PIK3C2G: variants seen among roughly 807,000 people sequenced by gnomAD.
PIK3C2G encodes phosphatidylinositol 3-kinase C2 domain-containing subunit gamma.
Under a neutral mutation model 181.1 loss-of-function variants are expected in PIK3C2G, and 168 were observed. The observed-to-expected ratio is 0.93, with a 90% confidence interval of 0.82 to 1.05. PIK3C2G has a LOEUF of 1.05. PIK3C2G is among the 50% of genes least tolerant of loss of function. PIK3C2G has a pLI of 0.00. For synonymous variants in PIK3C2G, 573 were observed against 592.2 expected (o/e 0.97, Z 0.47); for missense variants, 1,869 against 1,732.8 (o/e 1.08, Z -1.40).
chr12:18,325,201 A>ACGACC, intron 8 of PIK3C2G, 103 bp downstream of exon 8: 1 of 638,234 alleles, frequency 1.6e-6, no homozygotes, highest in Non-Finnish European at 2.8e-6. Context: ...AAAATGAATA[A>ACGACC]AACAGAGGAT....
chr12:18,325,885 T>C (rs1005452763), intron 8 of PIK3C2G, among the ~76,000 whole-genome samples: 1 of 152,056 alleles, frequency 6.6e-6, no homozygotes, highest in African/African-American at 2.4e-5. Context: ...GGACCTTTTA[T>C]GGCCAGTTTT....
At chr12:18,538,096 A>T in intron 24 of PIK3C2G, 60 bp from the exon 25 acceptor site, 1 of 1,490,508 alleles carries the variant, frequency 6.7e-7, no homozygotes, top group East Asian at 2.3e-5. Flanking sequence ...ATAACTGCTG[A>T]TTTAACCTGA....
chr12:18,328,605 A>G (rs999144527), intron 8 of PIK3C2G, among the ~76,000 whole-genome samples: 2 of 151,964 alleles, frequency 1.3e-5, no homozygotes, highest in African/African-American at 2.4e-5. Context: ...CTCCACCACT[A>G]TGGAAGTTTT....
intron 18 of PIK3C2G, among the ~76,000 whole-genome samples, chr12:18,427,992 C>G (rs1945934661): frequency 1.3e-5 from 2 of 152,030 alleles, no homozygotes; most frequent in Non-Finnish European, 2.9e-5. Context: ...AAACATGTGT[C>G]ATGGGGATTT....
intron 29 of PIK3C2G, among the ~76,000 whole-genome samples, chr12:18,584,321 A>G (rs1946664744): frequency 6.6e-6 from 1 of 152,050 alleles, no homozygotes; most frequent in Non-Finnish European, 1.5e-5. Context: ...ATGCCTGGCT[A>G]AATAGACAGT....
At chr12:18,380,182 C>G (rs1014782576) in intron 13 of PIK3C2G, among the ~76,000 whole-genome samples, 2 of 152,160 alleles carry the variant, frequency 1.3e-5, no homozygotes, top group South Asian at 4.1e-4. Context: ...AACTGGGACG[C>G]CTATGTCCGC....
At chr12:18,421,643 C>T (rs947237117) in intron 17 of PIK3C2G, among the ~76,000 whole-genome samples, 1 of 151,958 alleles carries the variant, frequency 6.6e-6, no homozygotes, top group Non-Finnish European at 1.5e-5. Flanking sequence ...AACAGAGTAT[C>T]TAATAGATAT....
chr12:18,351,510 G>C (rs1164553674), intron 11 of PIK3C2G, among the ~76,000 whole-genome samples: 1 of 152,120 alleles, frequency 6.6e-6, no homozygotes, highest in Non-Finnish European at 1.5e-5. Flanking sequence ...CACATTCTAA[G>C]AGTTTTGCTG....
At chr12:18,378,493 C>T (rs1942610335) in intron 13 of PIK3C2G, among the ~76,000 whole-genome samples, 1 of 152,066 alleles carries the variant, frequency 6.6e-6, no homozygotes, top group African/African-American at 2.4e-5. Context: ...AAAGCAATGG[C>T]AACAAAAGCC....
intron 1 of PIK3C2G, among the ~76,000 whole-genome samples, chr12:18,266,477 G>T (rs1238062519): frequency 6.6e-6 from 1 of 151,914 alleles, no homozygotes; most frequent in African/African-American, 2.4e-5. Flanking sequence ...AAATATATTT[G>T]CAATCATTAT....
intron 18 of PIK3C2G, among the ~76,000 whole-genome samples, chr12:18,451,957 G>A (rs1337291818): frequency 2.0e-5 from 3 of 152,202 alleles, no homozygotes; most frequent in Non-Finnish European, 2.9e-5. Flanking sequence ...TTGATGTGCT[G>A]CTGGATTTGG....
chr12:18,647,792 T>C (rs766362406), intron 32 of PIK3C2G, 84 bp from the exon 33 acceptor site: 1 of 700,364 alleles, frequency 1.4e-6, no homozygotes, highest in Non-Finnish European at 2.1e-6. Flanking sequence ...TAGCAGCTAA[T>C]TTTTTTTATT....
intron 9 of PIK3C2G, among the ~76,000 whole-genome samples, chr12:18,341,167 A>G (rs763514776): frequency 1.3e-5 from 2 of 152,198 alleles, no homozygotes; most frequent in Non-Finnish European, 2.9e-5. Flanking sequence ...GCTGGTTATA[A>G]AAAGTTTTAT....
chr12:18,655,980 A>C, the PIK3C2G span, among the ~76,000 whole-genome samples: 1 of 152,162 alleles, frequency 6.6e-6, no homozygotes, highest in African/African-American at 2.4e-5. Context: ...AAAGTAAGTA[A>C]ATTTTAATTA....
At chr12:18,666,645 A>T in the PIK3C2G span, among the ~76,000 whole-genome samples, 1 of 152,218 alleles carries the variant, frequency 6.6e-6, no homozygotes, top group South Asian at 2.1e-4. Flanking sequence ...AACTTTCAAT[A>T]GGAAAAAGTA....
At chr12:18,378,683 C>A (rs1334584648) in intron 13 of PIK3C2G, among the ~76,000 whole-genome samples, 1 of 152,072 alleles carries the variant, frequency 6.6e-6, no homozygotes, top group African/African-American at 2.4e-5. Flanking sequence ...AACAAACAAC[C>A]CCATCAAAAA....
At chr12:18,695,297 T>C in the PIK3C2G span, among the ~76,000 whole-genome samples, 1 of 152,168 alleles carries the variant, frequency 6.6e-6, no homozygotes, top group Non-Finnish European at 1.5e-5. Context: ...GTAAGTAAAT[T>C]ACTACACAGC....
the PIK3C2G span, among the ~76,000 whole-genome samples, chr12:18,663,769 A>G: frequency 1.3e-4 from 20 of 152,276 alleles, no homozygotes; most frequent in Admixed American, 2.0e-4. Flanking sequence ...AAATTGAAAA[A>G]TGTTGTGCAT....
the PIK3C2G span, chr12:18,701,616 TCCTCCTCCTC>T: frequency 4.2e-6 from 1 of 238,316 alleles, no homozygotes; most frequent in South Asian, 9.3e-5. Flanking sequence ...ATCCTCCTCC[TCCTCCTCCTC>T]CTCCTCCTCC....
Sources: gnomAD v4.1 joint callset for allele counts (sites outside exome capture counted in the v4.1 genomes callset) on GRCh38, gnomAD v4.1.1 for gene constraint, MANE v1.5 for transcripts, NCBI Gene and HGNC (gene_info 2026-07-23, HGNC 2026-07-21) for gene names.